Variants in SLIT3 observed in about 807,000 individuals in gnomAD.
SLIT3 encodes slit homolog 3 protein.
Under a neutral mutation model 184.0 loss-of-function variants are expected in SLIT3, and 68 were observed. The ratio of observed to expected loss-of-function variants is 0.37; its 90% CI spans 0.30 to 0.45. The LOEUF (loss-of-function observed/expected upper bound fraction) is 0.45. Ranked by LOEUF, SLIT3 falls within the 20% of genes least tolerant of loss-of-function variation. The pLI is 1.00. For synonymous variants in SLIT3, 831 were observed against 828.6 expected, an observed-to-expected ratio of 1.00 and a Z score of -0.05; for missense variants, 1,707 against 2,026.0, an observed-to-expected ratio of 0.84 and a Z score of 3.02.
intron 5 of SLIT3, among the ~76,000 whole-genome samples, chr5:168,868,451 G>T (rs753565297): frequency 3.3e-5 from 5 of 152,024 alleles, no homozygotes; most frequent in African/African-American, 7.2e-5. Flanking sequence ...TAACTTTCAC[G>T]TTAAAAATTA....
At chr5:168,686,545 A>G (rs1347142473) in intron 30 of SLIT3, among the ~76,000 whole-genome samples, 1 of 152,238 alleles carries the variant, frequency 6.6e-6, no homozygotes, top group African/African-American at 2.4e-5. Flanking sequence ...ATTCATAGCA[A>G]CAGAAGTAGA....
chr5:168,981,286 C>A (rs187260272), intron 4 of SLIT3, among the ~76,000 whole-genome samples: 2 of 152,196 alleles, frequency 1.3e-5, no homozygotes. Context: ...CCAATAGGGA[C>A]TGACTACGCA....
intron 9 of SLIT3, among the ~76,000 whole-genome samples, chr5:168,799,719 A>G (rs1159855916): frequency 6.6e-6 from 1 of 152,126 alleles, no homozygotes; most frequent in Admixed American, 6.5e-5. Flanking sequence ...TAATATGAAC[A>G]TTTACCATTT....
At chr5:168,835,562 G>A (rs1013658794) in intron 6 of SLIT3, among the ~76,000 whole-genome samples, 1 of 151,588 alleles carries the variant, frequency 6.6e-6, no homozygotes, top group African/African-American at 2.4e-5. Context: ...TAATCCCAGC[G>A]CTTTGGGAGG....
chr5:168,732,288 A>C (rs1763310860), intron 20 of SLIT3, among the ~76,000 whole-genome samples: 1 of 152,116 alleles, frequency 6.6e-6, no homozygotes, highest in Admixed American at 6.5e-5. Context: ...GAGAACTACA[A>C]AACACTGATG....
At chr5:168,753,820 G>A (rs760139226) in intron 17 of SLIT3, 44 bp downstream of exon 17, 21 of 1,589,376 alleles carry the variant, frequency 1.3e-5, no homozygotes, top group African/African-American at 6.7e-5. Context: ...CTGCCCTCCC[G>A]TCTCCCTCTG....
At chr5:168,771,022 G>A (rs546680174) in intron 14 of SLIT3, among the ~76,000 whole-genome samples, 20 of 152,212 alleles carry the variant, frequency 1.3e-4, no homozygotes, top group Middle Eastern at 3.4e-3. Context: ...TCCATTTGGG[G>A]TCCAAAGTAC....
At chr5:168,698,463 C>A (rs1388762871) in intron 27 of SLIT3, among the ~76,000 whole-genome samples, 1 of 152,024 alleles carries the variant, frequency 6.6e-6, no homozygotes, top group Non-Finnish European at 1.5e-5. Flanking sequence ...CCAAAGAATG[C>A]CAAAGATTGC....
intron 3 of SLIT3, among the ~76,000 whole-genome samples, chr5:169,229,642 T>TTCTCTCTCTC (rs60056409): frequency 0.13 from 18,712 of 148,124 alleles, 1,582 homozygotes; most frequent in Middle Eastern, 0.22. Context: ...AAATAAATTC[T>TTCTCTCTCTC]TCTCTCTCTC....
chr5:169,039,093 C>A (rs1210167062), intron 4 of SLIT3, among the ~76,000 whole-genome samples: 4 of 152,036 alleles, frequency 2.6e-5, no homozygotes, highest in Admixed American at 6.6e-5. Flanking sequence ...TATGTGTGCA[C>A]AACGTGCAGG....
chr5:169,212,846 TCA>T (rs1764311744), intron 3 of SLIT3, among the ~76,000 whole-genome samples: 1 of 152,376 alleles, frequency 6.6e-6, no homozygotes, highest in South Asian at 2.1e-4. Context: ...GCGTCCAGTT[TCA>T]GTTTTCTGCA....
At chr5:169,094,420 G>C (rs1677615659) in intron 4 of SLIT3, among the ~76,000 whole-genome samples, 1 of 152,224 alleles carries the variant, frequency 6.6e-6, no homozygotes, top group Admixed American at 6.5e-5. Context: ...CCTGAGGTCA[G>C]GAGTTTGAGA....
intron 6 of SLIT3, among the ~76,000 whole-genome samples, chr5:168,844,059 G>A (rs910817262): frequency 7.6e-6 from 1 of 131,052 alleles, no homozygotes; most frequent in East Asian, 2.5e-4. Flanking sequence ...TGAGATCCCA[G>A]GAGCAATAGC....
At chr5:168,925,582 C>T (rs901856691) in intron 4 of SLIT3, among the ~76,000 whole-genome samples, 10 of 151,836 alleles carry the variant, frequency 6.6e-5, no homozygotes, top group African/African-American at 2.4e-4. Context: ...TTCTAGCATT[C>T]CCATCTCTGC....
At chr5:168,741,478 C>CAAAAAAAAAAAAAAAA (rs3061744) in intron 20 of SLIT3, among the ~76,000 whole-genome samples, 4 of 81,586 alleles carry the variant, frequency 4.9e-5, no homozygotes, top group African/African-American at 1.0e-4. Context: ...GACTCGGTCT[C>CAAAAAAAAAAAAAAAA]AAAAAAAAAA....
At chr5:169,189,806 C>T (rs1020568248) in intron 4 of SLIT3, among the ~76,000 whole-genome samples, 8 of 151,924 alleles carry the variant, frequency 5.3e-5, no homozygotes, top group African/African-American at 9.7e-5. Context: ...CAGTACTAAC[C>T]ATAGTACCTA....
intron 4 of SLIT3, among the ~76,000 whole-genome samples, chr5:169,052,722 CCT>C (rs200292560): frequency 0.011 from 1,735 of 152,274 alleles, 31 homozygotes; most frequent in South Asian, 0.072. Context: ...CTATTGCGGT[CCT>C]CTGAGGTTGA....
At chr5:168,672,750 A>C (rs1761292141) in intron 33 of SLIT3, among the ~76,000 whole-genome samples, 1 of 152,210 alleles carries the variant, frequency 6.6e-6, no homozygotes, top group African/African-American at 2.4e-5. Context: ...TTGGGATTAC[A>C]GGTGTGAGCC....
intron 4 of SLIT3, among the ~76,000 whole-genome samples, chr5:168,966,878 TG>T (rs1385309208): frequency 6.6e-6 from 1 of 152,188 alleles, no homozygotes; most frequent in Non-Finnish European, 1.5e-5. Context: ...AAACCGGTAA[TG>T]TCTTTCAGTT....
Sources: allele counts gnomAD v4.1 joint callset (sites outside exome capture counted in the v4.1 genomes callset), GRCh38; gene constraint gnomAD v4.1.1; transcripts MANE v1.5; gene names NCBI Gene and HGNC (gene_info 2026-07-23, HGNC 2026-07-21).